Variants in KIF13A observed in about 807,000 individuals in gnomAD.
The protein encoded by KIF13A is kinesin family member 13A, also known as kinesin-like protein KIF13A.
A neutral mutation model predicts 212.2 loss-of-function variants in KIF13A; 79 were observed. The observed-to-expected ratio is 0.37, with a 90% confidence interval of 0.31 to 0.45. The LOEUF (loss-of-function observed/expected upper bound fraction) is 0.45, where lower values mean the gene tolerates loss of function less well. Ranked by LOEUF, KIF13A falls within the 20% of genes least tolerant of loss-of-function variation. The probability of loss-of-function intolerance (pLI) is 1.00; values close to 1 mark genes in which losing one functional copy is unlikely to be tolerated. For missense variants in KIF13A, 1,901 were observed against 2,209.0 expected, an observed-to-expected ratio of 0.86 and a Z score of 2.79; for synonymous variants, 789 against 808.6, an observed-to-expected ratio of 0.98 and a Z score of 0.41.
chr6:17,827,159 A>T (rs879491905), intron 14 of KIF13A, among the ~76,000 whole-genome samples: 1 of 152,158 alleles, frequency 6.6e-6, no homozygotes, highest in Non-Finnish European at 1.5e-5. Flanking sequence ...CAATGGAGCA[A>T]CTACGACTCA....
intron 38 of KIF13A, among the ~76,000 whole-genome samples, 175 bp from the exon 39 acceptor site, chr6:17,765,121 A>G (rs909083707): frequency 1.3e-5 from 2 of 152,256 alleles, no homozygotes; most frequent in Admixed American, 6.5e-5. Flanking sequence ...TAGGTGTATC[A>G]GTATTCTCAG....
rs577115661 is a variant in KIF13A, at chr6:17,925,699, A to G, written c.147-27519T>C. Among the ~76,000 whole-genome samples the G allele has an allele frequency of 3.9e-5, 6 of 152,352 alleles. No homozygotes were observed. In the East Asian group the frequency reaches 1.2e-3, roughly 29 times the overall value. ...CAGTGTATGTGCACTGCATTTAAACAAAGTTTATCACCTCAACACTTAATA... is the reference window on the plus strand; with the variant it reads ...CAGTGTATGTGCACTGCATTTAAACGAAGTTTATCACCTCAACACTTAATA... On this transcript the variant is annotated intron_variant, in intron 2 of 38. Transcript: ENST00000259711.
rs1481045101 is a variant in KIF13A, at chr6:17,768,199, A to G, written c.4581+2915T>C. Among the ~76,000 whole-genome samples the G allele has an allele frequency of 6.6e-6, 1 of 152,174 alleles. No individual in the cohort carries two copies. Among genetic ancestry groups the G allele is most frequent in the South Asian group, 2.1e-4 (1 of 4,832 alleles). On this transcript the variant is annotated intron_variant, in intron 38 of 38. Coordinates refer to ENST00000259711, the MANE Select transcript of KIF13A (RefSeq NM_022113.6). This position sits in a 1 kb window ranked among gnomAD's most constrained non-coding sequence, Gnocchi z 5.4. The stretch of plus-strand genomic sequence containing the variant: ...GAAATCTCATTTCTCATCATAGCTT[A>G]AAGAAGAATAAACTAAGCACCTTCC...
At chr6:17,875,003 G>GCACACACACACACACACGCA (rs1554188651) in intron 3 of KIF13A, among the ~76,000 whole-genome samples, 86 of 133,384 alleles carry the variant, frequency 6.4e-4, no homozygotes, top group African/African-American at 2.4e-3. Flanking sequence ...GCACACGCAC[G>GCACACACACACACACACGCA]CACACACACA....
Position 17,789,852 on chromosome 6 carries a change from A to C in KIF13A, c.3261+20T>G. The C allele has an allele frequency of 2.5e-6, 4 of 1,607,402 alleles. No individual in the cohort carries two copies. Among genetic ancestry groups the C allele is most frequent in the African/African-American group, 1.3e-5 (1 of 74,934 alleles). Reference sequence around the variant, plus strand: ...CAGTAGCTGTGCCCCATGCCACAGGATTGACAGCAGTAGCAATACCTGATA... The same window carrying C: ...CAGTAGCTGTGCCCCATGCCACAGGCTTGACAGCAGTAGCAATACCTGATA... On this transcript the variant is annotated intron_variant, in intron 26 of 38. Coordinates refer to ENST00000259711, the MANE Select transcript of KIF13A (RefSeq NM_022113.6). This position sits in a 1 kb window ranked among gnomAD's most constrained non-coding sequence, Gnocchi z 4.8.
Position 17,934,781 on chromosome 6 carries a change from T to C in KIF13A, c.147-36601A>G, listed in dbSNP as rs1317581070. On this transcript the variant is annotated intron_variant, in intron 2 of 38. Transcript: ENST00000259711. The surrounding 1 kb of genome is among the most constrained non-coding windows in gnomAD (Gnocchi z 5.4). ...CAGCCTGGGCAACCAAGCAATACCC[T>C]GTCTCCAAAAAAAAAAAAAAGACAC... 1.8e-5 allele frequency among the ~76,000 whole-genome samples: 2 copies of C among 112,760 alleles called. No individual in the cohort carries two copies. The highest frequency in any genetic ancestry group is 8.8e-5 in the Admixed American group (1 of 11,350). 74.0% of individuals were successfully genotyped at this position (112,760 alleles called of 152,430 possible).
At chr6:17,923,368 T>TA (rs1303058569) in intron 2 of KIF13A, among the ~76,000 whole-genome samples, 2 of 151,672 alleles carry the variant, frequency 1.3e-5, no homozygotes, top group Non-Finnish European at 2.9e-5. Flanking sequence ...AATTTAAAAA[T>TA]AAAGTAGATG....
intron 3 of KIF13A, among the ~76,000 whole-genome samples, chr6:17,890,805 A>ATAG (rs1771984885): frequency 6.7e-6 from 1 of 148,472 alleles, no homozygotes; most frequent in Non-Finnish European, 1.5e-5. Flanking sequence ...AATAATAATA[A>ATAG]TAATAATAAT....
chr6:17,877,122 C>T (rs952180704), intron 3 of KIF13A, among the ~76,000 whole-genome samples: 4 of 123,524 alleles, frequency 3.2e-5, no homozygotes, highest in African/African-American at 9.7e-5. Flanking sequence ...GTAAGTTATA[C>T]GCAATGTTCT....
chr6:17,864,634 G>A (rs115409936), intron 4 of KIF13A, among the ~76,000 whole-genome samples: 1 of 152,166 alleles, frequency 6.6e-6, no homozygotes, highest in Admixed American at 6.5e-5. Context: ...AGGACTACAG[G>A]TGTGTGCCAC....
intron 32 of KIF13A, 137 bp from the exon 33 acceptor site, chr6:17,779,236 CATAT>C (rs149719669): frequency 4.3e-4 from 109 of 254,872 alleles, no homozygotes; most frequent in Non-Finnish European, 6.1e-4. Context: ...TTTAAAGTAG[CATAT>C]ATATATATAT....
chr6:17,954,925 C>T (rs758117137), intron 2 of KIF13A, among the ~76,000 whole-genome samples: 1 of 152,168 alleles, frequency 6.6e-6, no homozygotes, highest in Non-Finnish European at 1.5e-5. Context: ...GTAACCCTTC[C>T]ACCTTGGCCT....
At chr6:17,902,131 T>C (rs1187159623) in intron 2 of KIF13A, among the ~76,000 whole-genome samples, 1 of 152,168 alleles carries the variant, frequency 6.6e-6, no homozygotes, top group African/African-American at 2.4e-5. Flanking sequence ...AAATATCTAG[T>C]GAACCAAAAA....
rs746555074 is a variant in KIF13A at position 17,855,869 on chromosome 6, G to C, written c.313+161C>G. On this transcript the variant is annotated intron_variant, in intron 5 of 38. Transcript: ENST00000259711. This position sits in a 1 kb window ranked among gnomAD's most constrained non-coding sequence, Gnocchi z 4.1. The stretch of plus-strand genomic sequence containing the variant: ...GCTGGGACTACAGGTGTGCCACCAC[G>C]CTGGGCTAATGTTTTTAGTTTTTAT... Among the ~76,000 whole-genome samples the C allele has an allele frequency of 6.6e-6, 1 of 151,714 alleles. No homozygotes were observed. Among genetic ancestry groups the C allele is most frequent in the Non-Finnish European group, 1.5e-5 (1 of 67,930 alleles).
intron 4 of KIF13A, among the ~76,000 whole-genome samples, chr6:17,873,071 A>G (rs1770169941): frequency 6.6e-6 from 1 of 152,242 alleles, no homozygotes. Flanking sequence ...CTCCTAGGAA[A>G]GCCTATGGTC....
rs1417930715 is a variant in KIF13A at position 17,783,137 on chromosome 6, A to G, written c.3544+509T>C. Among the ~76,000 whole-genome samples the G allele has an allele frequency of 6.6e-6, 1 of 152,196 alleles. No homozygotes were observed. Among genetic ancestry groups the G allele is most frequent in the Non-Finnish European group, 1.5e-5 (1 of 68,038 alleles). ...CTCAGCAACTCTGCCGTTGTTTTCT[A>G]CACATGGGGTTCCAGTTAATATTTC... On this transcript the variant is annotated intron_variant, in intron 29 of 38. Transcript: ENST00000259711. The surrounding 1 kb of genome is among the most constrained non-coding windows in gnomAD (Gnocchi z 4.3).
intron 38 of KIF13A, chr6:17,770,361 A>ATTTTTTTTGTTTTTTTTTTTTTT (rs1759381741): frequency 8.4e-6 from 1 of 119,446 alleles, no homozygotes; most frequent in East Asian, 2.4e-4. Flanking sequence ...AATAAACAGG[A>ATTTTTTTTGTTTTTTTTTTTTTT]TTTTTTTTTT....
rs558515544 is a variant in KIF13A, at chr6:17,852,070, T to A, written c.495-28A>T. 1.4e-4 allele frequency: 171 copies of A among 1,212,814 alleles called. 4 individuals are homozygous for A. In the South Asian group the frequency reaches 2.9e-3, roughly 20 times the overall value. 75.1% of individuals were successfully genotyped at this position (1,212,814 alleles called of 1,614,324 possible). On this transcript the variant is annotated intron_variant, in intron 6 of 38. Coordinates refer to ENST00000259711, the MANE Select transcript of KIF13A (RefSeq NM_022113.6). ...GCGGGAGGGAGGAAAAAGGAATAAA[T>A]GAATCACACCAAAGCTGGAAGCTTT...
At chr6:17,906,669 C>T (rs959963560) in intron 2 of KIF13A, among the ~76,000 whole-genome samples, 3 of 151,970 alleles carry the variant, frequency 2.0e-5, no homozygotes, top group African/African-American at 7.3e-5. Context: ...AGGCTGGTCT[C>T]GAACTTCTGG....
Sources: allele counts gnomAD v4.1 joint callset (sites outside exome capture counted in the v4.1 genomes callset), GRCh38; gene constraint gnomAD v4.1.1; non-coding constraint Gnocchi (gnomAD v3.1); transcripts MANE v1.5; gene names NCBI Gene and HGNC (gene_info 2026-07-23, HGNC 2026-07-21).